The following TMEM170A variants were observed in gnomAD, a reference collection of about 807,000 sequenced individuals.
The protein encoded by TMEM170A is transmembrane protein 170.
A neutral mutation model predicts 12.8 loss-of-function variants in TMEM170A; 18 were observed. That is an observed-to-expected ratio of 1.41 (90% CI 0.97 to 2.09). The LOEUF is 2.09. Among genes scored for constraint, TMEM170A ranks in the 30% most tolerant of loss-of-function variants. TMEM170A has a pLI of 0.00. For synonymous variants in TMEM170A, 107 were observed against 76.2 expected (o/e 1.40, Z -2.11); for missense variants, 220 against 179.9 (o/e 1.22, Z -1.28).
chr16:75,451,719 C>T lies in TMEM170A; in HGVS notation c.254G>A (p.Ser85Asn). ...TCCCACGATGCCCATCAACAGGATG[C>T]TTACAGACATGAACCTACCATATTT... Reference protein sequence around the residue: ...HHKYGRFMSVSILLMGIVGPI... With the variant: ...HHKYGRFMSVNILLMGIVGPI... The change falls in exon 2 of 3, where the codon AGC becomes AAC. Residue 85 changes from serine (S) to asparagine (N), a missense_variant. Coordinates refer to ENST00000561878, the MANE Select transcript of TMEM170A (RefSeq NM_145254.3). 6.2e-7 allele frequency: 1 copy of T among 1,614,166 alleles called. No homozygotes were observed. Among genetic ancestry groups the T allele is most frequent in the South Asian group, 1.1e-5 (1 of 91,074 alleles).
Position 75,445,294 on chromosome 16 carries a change from A to G in TMEM170A, c.*2264T>C, listed in dbSNP as rs967370959. The G allele has an allele frequency of 3.3e-5, 5 of 152,196 alleles. No individual in the cohort carries two copies. The highest frequency in any genetic ancestry group is 9.6e-5 in the African/African-American group (4 of 41,456). 9.4% of individuals were successfully genotyped at this position (152,196 alleles called of 1,614,324 possible). The stretch of plus-strand genomic sequence containing the variant: ...CCGTGTATATGTCACTATAGTTTTG[A>G]TAAGTTAATTACCAAAATTAGTAAT... On this transcript the variant is annotated 3_prime_UTR_variant, in exon 3 of 3. Coordinates refer to ENST00000561878, the MANE Select transcript of TMEM170A (RefSeq NM_145254.3).
At chr16:75,450,936 A>G (rs1365355166) in intron 2 of TMEM170A, among the ~76,000 whole-genome samples, 1 of 152,136 alleles carries the variant, frequency 6.6e-6, no homozygotes, top group East Asian at 1.9e-4. Context: ...TGCTGGGATT[A>G]CAGTCATGAG....
chr16:75,464,297 G>A (rs1347816029), intron 1 of TMEM170A, 171 bp downstream of exon 1: 25 of 1,481,978 alleles, frequency 1.7e-5, no homozygotes, highest in South Asian at 2.5e-5. Flanking sequence ...GACCGCCGAA[G>A]AAGTGATGGG....
intron 1 of TMEM170A, among the ~76,000 whole-genome samples, chr16:75,453,654 G>C (rs1402971421): frequency 2.0e-5 from 3 of 152,136 alleles, no homozygotes. Context: ...CCTCCTATTA[G>C]GATTTCAAAG....
At chr16:75,459,461 C>T (rs184852596) in intron 1 of TMEM170A, among the ~76,000 whole-genome samples, 40 of 152,310 alleles carry the variant, frequency 2.6e-4, no homozygotes, top group Non-Finnish European at 5.1e-4. Flanking sequence ...GCTGGCCCCA[C>T]TCTCATCTTG....
At chr16:75,464,425 C>G in intron 1 of TMEM170A, 43 bp downstream of exon 1, 1 of 1,399,756 alleles carries the variant, frequency 7.1e-7, no homozygotes, top group South Asian at 1.6e-5. Context: ...ACGGCAGCGG[C>G]GACGGCGGGG....
At chr16:75,456,525 T>C (rs1376929894) in intron 1 of TMEM170A, among the ~76,000 whole-genome samples, 2 of 152,172 alleles carry the variant, frequency 1.3e-5, no homozygotes, top group Non-Finnish European at 2.9e-5. Context: ...TAGTCAATAG[T>C]GTCAATCAGA....
chr16:75,454,600 A>C (rs899320389), intron 1 of TMEM170A, among the ~76,000 whole-genome samples: 1 of 152,114 alleles, frequency 6.6e-6, no homozygotes, highest in African/African-American at 2.4e-5. Flanking sequence ...ACACCACTGC[A>C]CTCCAGCCTG....
intron 1 of TMEM170A, among the ~76,000 whole-genome samples, chr16:75,462,007 A>T (rs2079917648): frequency 6.6e-6 from 1 of 152,246 alleles, no homozygotes; most frequent in South Asian, 2.1e-4. Context: ...CAGACTATTC[A>T]GTTCCAACTT....
Position 75,464,523 on chromosome 16 carries a change from C to CG in TMEM170A, c.77dup (p.Arg27AlafsTer54). ...GGCACAGGGTCCCGTTGCCCACCCG[C>CG]GGCACAACCTTCAGGCTCAGGATCT... is the stretch of plus-strand genomic sequence containing the variant. On this transcript the variant is annotated frameshift_variant, in exon 1 of 3. Transcript: ENST00000561878. LOFTEE classifies it high-confidence loss of function. 6.3e-7 allele frequency: 1 copy of CG among 1,586,814 alleles called. No homozygotes were observed. The highest frequency in any genetic ancestry group is 8.6e-7 in the Non-Finnish European group (1 of 1,169,184).
rs1051181380 is a variant in TMEM170A at position 75,461,027 on chromosome 16, C to T, written c.133+3441G>A. 6.6e-5 allele frequency among the ~76,000 whole-genome samples: 10 copies of T among 152,240 alleles called. No individual in the cohort carries two copies. The South Asian group carries it at 2.1e-3, about 32-fold the overall frequency. ...CAACAATAAAGGAAAAAATTTTAAACTGCATTTGCAGTTTAGCCATTTACT... is the reference window on the plus strand; with the variant it reads ...CAACAATAAAGGAAAAAATTTTAAATTGCATTTGCAGTTTAGCCATTTACT... On this transcript the variant is annotated intron_variant, in intron 1 of 2. Coordinates refer to ENST00000561878, the MANE Select transcript of TMEM170A (RefSeq NM_145254.3).
chr16:75,461,786 G>C (rs775820384), intron 1 of TMEM170A, among the ~76,000 whole-genome samples: 9 of 152,132 alleles, frequency 5.9e-5, no homozygotes, highest in Non-Finnish European at 1.2e-4. Flanking sequence ...CTGAATAAAC[G>C]ATCTCTGGTA....
chr16:75,459,253 CAG>C (rs1344379192), intron 1 of TMEM170A, among the ~76,000 whole-genome samples: 1 of 152,178 alleles, frequency 6.6e-6, no homozygotes, highest in Admixed American at 6.5e-5. Context: ...AGAACAGACA[CAG>C]AGAGCAGAAT....
At chr16:75,448,149 C>T (rs867619612) in intron 2 of TMEM170A, among the ~76,000 whole-genome samples, 58 of 152,210 alleles carry the variant, frequency 3.8e-4, no homozygotes, top group African/African-American at 1.4e-3. Flanking sequence ...GGAATCCCCA[C>T]TCCACCTTCT....
At chr16:75,451,979 A>C in intron 1 of TMEM170A, 140 bp from the exon 2 acceptor site, 1 of 835,126 alleles carries the variant, frequency 1.2e-6, no homozygotes, top group Non-Finnish European at 1.8e-6. Flanking sequence ...TATTATTTTT[A>C]ATTTTTTTTT....
chr16:75,459,856 C>CA (rs35740034), intron 1 of TMEM170A: 9,609 of 140,436 alleles, frequency 0.068, 350 homozygotes, highest in Non-Finnish European at 0.074. Context: ...AACTCCATCT[C>CA]AAAAAAAAAA....
In TMEM170A at chr16:75,454,459, T is replaced by TACACACACACACAC. The variant is rs71380746; in HGVS notation, c.134-2621_134-2620insGTGTGTGTGTGTGT. Among the ~76,000 whole-genome samples, 578 of 150,026 alleles carry TACACACACACACAC rather than the reference T, an allele frequency of 3.9e-3. 3 individuals carry two copies. The highest frequency in any genetic ancestry group is 0.013 in the African/African-American group (546 of 40,740). On this transcript the variant is annotated intron_variant, in intron 1 of 2. Coordinates refer to ENST00000561878, the MANE Select transcript of TMEM170A (RefSeq NM_145254.3). ...TAGTGAAACCCTGTCTCTCTAAAAA[T>TACACACACACACAC]ACACACACATACACACACACACAAA...
chr16:75,451,040 T>G (rs1013594652), intron 2 of TMEM170A, among the ~76,000 whole-genome samples: 4 of 151,982 alleles, frequency 2.6e-5, no homozygotes, highest in Admixed American at 1.3e-4. Context: ...TCACCAACCA[T>G]CTTGCAGGGC....
At chr16:75,451,951 T>C in intron 1 of TMEM170A, 112 bp from the exon 2 acceptor site, 1 of 996,344 alleles carries the variant, frequency 1.0e-6, no homozygotes, top group Non-Finnish European at 1.4e-6. Context: ...TCTTTTTTCC[T>C]TTTTTTTGAA....
Sources: allele counts gnomAD v4.1 joint callset (sites outside exome capture counted in the v4.1 genomes callset), GRCh38; gene constraint gnomAD v4.1.1; transcripts MANE v1.5; gene names NCBI Gene and HGNC (gene_info 2026-07-23, HGNC 2026-07-21).